Variants in EXT2 observed in about 807,000 individuals in gnomAD.
EXT2 encodes exostosin-2.
A neutral mutation model predicts 81.6 loss-of-function variants in EXT2; 53 were observed. The observed-to-expected ratio is 0.65, with a 90% confidence interval of 0.52 to 0.82. EXT2 has a LOEUF of 0.82. Ranked by LOEUF, EXT2 falls within the 40% of genes least tolerant of loss-of-function variation. The probability of loss-of-function intolerance (pLI) is 0.00; values close to 1 mark genes in which losing one functional copy is unlikely to be tolerated. For missense variants in EXT2, 774 were observed against 910.2 expected (o/e 0.85, Z 1.93); for synonymous variants, 320 against 340.0 (o/e 0.94, Z 0.65).
Position 44,248,512 on chromosome 11 carries a change from C to G in EXT2, c.*4225C>G, listed in dbSNP as rs141849942. ...TTCTACTTCTGAGTAGAATCAAGGG[C>G]AGCATTTGGTCCCATTATACCAGCC... On this transcript the variant is annotated 3_prime_UTR_variant, in exon 14 of 14. Coordinates refer to ENST00000533608, the MANE Select transcript of EXT2 (RefSeq NM_207122.2). 6.3e-3 allele frequency among the ~76,000 whole-genome samples: 962 copies of G among 152,346 alleles called. 9 individuals are homozygous for G. Among genetic ancestry groups the G allele is most frequent in the African/African-American group, 0.021 (881 of 41,568 alleles).
At chr11:44,161,927 A>G (rs1001120441) in intron 7 of EXT2, among the ~76,000 whole-genome samples, 7 of 152,202 alleles carry the variant, frequency 4.6e-5, no homozygotes, top group African/African-American at 1.7e-4. Context: ...CCTGACCAGT[A>G]CTGTCAACTA....
intron 8 of EXT2, among the ~76,000 whole-genome samples, chr11:44,174,914 C>A (rs976731477): frequency 8.5e-5 from 13 of 152,132 alleles, no homozygotes; most frequent in African/African-American, 3.1e-4. Context: ...AGTGTGGCAA[C>A]AGTGAAGGAA....
chr11:44,217,726 A>G (rs1033444256), intron 10 of EXT2, among the ~76,000 whole-genome samples: 1 of 151,888 alleles, frequency 6.6e-6, no homozygotes, highest in African/African-American at 2.4e-5. Flanking sequence ...CAGATCTGAG[A>G]GCTGGGAAAT....
At chr11:44,119,727 C>T (rs1370235960) in intron 4 of EXT2, among the ~76,000 whole-genome samples, 1 of 152,212 alleles carries the variant, frequency 6.6e-6, no homozygotes. Context: ...ATAAGCAAGC[C>T]TTTCTAAGGA....
rs761119886 is a variant in EXT2 at position 44,108,047 on chromosome 11, A to C, written c.335A>C (p.Lys112Thr). 1.2e-6 allele frequency: 2 copies of C among 1,614,210 alleles called. No homozygotes were observed. Reference sequence around the variant, plus strand: ...ATCAAGGTGTATATCTATGCTCTGAAAAAGTACGTGGATGACTTTGGCGTC... The same window carrying C: ...ATCAAGGTGTATATCTATGCTCTGACAAAGTACGTGGATGACTTTGGCGTC... Reference protein sequence around the residue: ...NKIKVYIYALKKYVDDFGVSV... With the variant: ...NKIKVYIYALTKYVDDFGVSV... Residue 112 changes from lysine to threonine, a missense_variant, in exon 2 of 14, where the codon AAA (lysine) becomes ACA (threonine). Lys to Thr is a moderately conservative substitution (Grantham distance 78). This residue lies in a region of EXT2 where 626 missense variants were observed against 670.5 expected (regional missense o/e 0.93). Transcript: ENST00000533608.
intron 7 of EXT2, among the ~76,000 whole-genome samples, chr11:44,168,091 G>A (rs1458884880): frequency 1.3e-5 from 2 of 151,454 alleles, no homozygotes; most frequent in Non-Finnish European, 2.9e-5. Flanking sequence ...TTTTTCTTGC[G>A]ATAGTTTACT....
chr11:44,203,422 A>G (rs1955543887), intron 9 of EXT2, among the ~76,000 whole-genome samples: 2 of 152,170 alleles, frequency 1.3e-5, no homozygotes, highest in Non-Finnish European at 2.9e-5. Flanking sequence ...CACAGGCCAA[A>G]CTTGACAAGC....
chr11:44,152,879 G>A lies in EXT2; in HGVS notation c.1174-18732G>A, dbSNP rs779576133. On this transcript the variant is annotated intron_variant, in intron 7 of 13. Coordinates refer to ENST00000533608, the MANE Select transcript of EXT2 (RefSeq NM_207122.2). Reference sequence around the variant, plus strand: ...GTGTCTGGGCTCTCTATTCTGTTCCGTTGATCTGTCTATTCTTTCACCAAT... The same window carrying A: ...GTGTCTGGGCTCTCTATTCTGTTCCATTGATCTGTCTATTCTTTCACCAAT... 8.5e-5 allele frequency among the ~76,000 whole-genome samples: 13 copies of A among 152,216 alleles called. 1 individual carries two copies. The highest frequency in any genetic ancestry group is 2.1e-4 in the South Asian group (1 of 4,820).
intron 11 of EXT2, among the ~76,000 whole-genome samples, 189 bp from the exon 12 acceptor site, chr11:44,233,926 T>C (rs568185089): frequency 4.6e-5 from 7 of 152,318 alleles, no homozygotes; most frequent in African/African-American, 1.7e-4. Flanking sequence ...AAAATGACCA[T>C]ATTGAACATG....
At position 44,210,066 on chromosome 11, in the gene EXT2, A is replaced by G. The variant is rs1002413974; in HGVS notation, c.1662+3107A>G. Among the ~76,000 whole-genome samples, 92 of 152,342 alleles carry G rather than the reference A, an allele frequency of 6.0e-4. 1 individual carries two copies. Among genetic ancestry groups the G allele is most frequent in the African/African-American group, 2.0e-3 (85 of 41,588 alleles). ...TTACTGTGATCCATAATCTGGTTAC[A>G]TCCATTTTGGAAAGCAGTTTGGAGT... On this transcript the variant is annotated intron_variant, in intron 10 of 13. Coordinates refer to ENST00000533608, the MANE Select transcript of EXT2 (RefSeq NM_207122.2).
intron 2 of EXT2, among the ~76,000 whole-genome samples, chr11:44,108,843 G>T (rs1460407994): frequency 2.0e-5 from 3 of 152,022 alleles, no homozygotes; most frequent in South Asian, 2.1e-4. Context: ...AACTTTAAGG[G>T]TTGCATAGTA....
At chr11:44,210,313 ATAAG>A (rs1737542511) in intron 10 of EXT2, among the ~76,000 whole-genome samples, 2 of 152,266 alleles carry the variant, frequency 1.3e-5, no homozygotes, top group African/African-American at 2.4e-5. Flanking sequence ...TGGCTCAGTA[ATAAG>A]TAAGAAGTAA....
chr11:44,133,925 GA>G (rs1376744679), intron 7 of EXT2, among the ~76,000 whole-genome samples: 3 of 152,184 alleles, frequency 2.0e-5, no homozygotes, highest in African/African-American at 7.2e-5. Flanking sequence ...CATACTACCT[GA>G]CAAAGAAAGG....
At chr11:44,096,137 C>A in intron 1 of EXT2, 1 of 997,466 alleles carries the variant, frequency 1.0e-6, no homozygotes, top group Non-Finnish European at 1.5e-6. Flanking sequence ...CCAACCTTCG[C>A]CCCCAGTCCG....
chr11:44,187,187 A>ACCACATG (rs1955327294), intron 8 of EXT2, among the ~76,000 whole-genome samples: 1 of 151,698 alleles, frequency 6.6e-6, no homozygotes, highest in Admixed American at 6.6e-5. Context: ...ATAGGTGTGC[A>ACCACATG]CCACATGCCG....
chr11:44,159,770 T>TG (rs1477371850), intron 7 of EXT2, among the ~76,000 whole-genome samples: 1 of 152,272 alleles, frequency 6.6e-6, no homozygotes, highest in Non-Finnish European at 1.5e-5. Context: ...TGGTATTGTG[T>TG]GGGGGGAAGG....
chr11:44,202,172 C>T (rs1955529631), intron 9 of EXT2, among the ~76,000 whole-genome samples: 1 of 152,172 alleles, frequency 6.6e-6, no homozygotes, highest in South Asian at 2.1e-4. Context: ...CCCATATCAT[C>T]CTCCTGGGTC....
intron 9 of EXT2, among the ~76,000 whole-genome samples, 200 bp from the exon 10 acceptor site, chr11:44,206,593 G>T (rs1039575660): frequency 2.0e-5 from 3 of 150,478 alleles, no homozygotes; most frequent in Admixed American, 2.0e-4. Context: ...TTGTATATAT[G>T]TGTACGTGCA....
At chr11:44,197,734 C>T (rs942038478) in intron 8 of EXT2, 95 bp from the exon 9 acceptor site, 17 of 1,295,450 alleles carry the variant, frequency 1.3e-5, no homozygotes, top group Non-Finnish European at 1.8e-5. Flanking sequence ...TGGTAAAAGC[C>T]ACCAAGCCTG....
Sources: gnomAD v4.1 joint callset for allele counts (sites outside exome capture counted in the v4.1 genomes callset) on GRCh38, gnomAD v4.1.1 for gene constraint, gnomAD v4.1.1 regional missense constraint, MANE v1.5 for transcripts, NCBI Gene and HGNC (gene_info 2026-07-23, HGNC 2026-07-21) for gene names.